The following SMCO4 variants were observed in gnomAD, a reference collection of about 807,000 sequenced individuals.
The protein encoded by SMCO4 is single-pass membrane and coiled-coil domain-containing protein 4.
SMCO4 carries 4 observed loss-of-function variants against 3.6 expected under a neutral mutation model. The observed-to-expected ratio is 1.11, with a 90% confidence interval of 0.54 to 2.53. The LOEUF is 2.53. SMCO4 is among the 30% of genes most tolerant of loss of function. The pLI is 0.02. For synonymous variants in SMCO4, 36 were observed against 35.3 expected (o/e 1.02, Z -0.07); for missense variants, 70 against 80.8 (o/e 0.87, Z 0.51).
chr11:93,514,591 GATTT>G (rs1948992779), intron 1 of SMCO4, among the ~76,000 whole-genome samples: 2 of 151,470 alleles, frequency 1.3e-5, no homozygotes, highest in South Asian at 2.1e-4. Context: ...ATACGTACAT[GATTT>G]ATTTCCCTAA....
At chr11:93,537,908 C>A (rs1949241356) in intron 1 of SMCO4, 1 of 152,332 alleles carries the variant, frequency 6.6e-6, no homozygotes, top group Non-Finnish European at 1.5e-5. Context: ...GGTAACCTGG[C>A]TTCCTCCTCG....
intron 2 of SMCO4, among the ~76,000 whole-genome samples, chr11:93,493,640 T>A (rs901685379): frequency 2.6e-5 from 4 of 152,222 alleles, no homozygotes; most frequent in Admixed American, 6.5e-5. Context: ...CTAACTAGAA[T>A]GTGTTCATGT....
intron 1 of SMCO4, among the ~76,000 whole-genome samples, chr11:93,505,260 C>T (rs1476565686): frequency 6.6e-6 from 1 of 152,206 alleles, no homozygotes; most frequent in East Asian, 1.9e-4. Context: ...GCACTGTCTA[C>T]TTTCCTACAC....
upstream of SMCO4, among the ~76,000 whole-genome samples, chr11:93,547,969 A>C (rs1356280054): frequency 6.6e-6 from 1 of 152,216 alleles, no homozygotes; most frequent in Admixed American, 6.5e-5. Flanking sequence ...GAGGCCTAGA[A>C]TGGTGGTCTG....
intron 1 of SMCO4, among the ~76,000 whole-genome samples, chr11:93,533,615 T>C (rs181801271): frequency 4.6e-5 from 7 of 152,054 alleles, no homozygotes; most frequent in African/African-American, 1.7e-4. Flanking sequence ...CCTCAGTCTA[T>C]CTAAAAAAAG....
At chr11:93,495,142 A>G (rs1202318760) in intron 2 of SMCO4, among the ~76,000 whole-genome samples, 1 of 152,014 alleles carries the variant, frequency 6.6e-6, no homozygotes. Flanking sequence ...ATCTCTTTCA[A>G]GACCCATCTC....
chr11:93,494,106 T>C (rs984668058), intron 2 of SMCO4, among the ~76,000 whole-genome samples: 4 of 152,292 alleles, frequency 2.6e-5, no homozygotes, highest in African/African-American at 9.6e-5. Context: ...TCGAAACCAC[T>C]GTCCATGGAG....
intron 1 of SMCO4, among the ~76,000 whole-genome samples, chr11:93,507,377 G>C (rs572626971): frequency 2.0e-5 from 3 of 152,080 alleles, no homozygotes; most frequent in Non-Finnish European, 4.4e-5. Context: ...TTCAGCCTGG[G>C]GGATAGAGAC....
intron 1 of SMCO4, among the ~76,000 whole-genome samples, chr11:93,523,006 C>A (rs7933953): frequency 0.14 from 20,726 of 152,112 alleles, 1,559 homozygotes; most frequent in Non-Finnish European, 0.17. Flanking sequence ...TTGGAAACCC[C>A]AAAGATCAAA....
the SMCO4 span, among the ~76,000 whole-genome samples, chr11:93,552,851 T>C: frequency 6.6e-6 from 1 of 152,138 alleles, no homozygotes; most frequent in African/African-American, 2.4e-5. Context: ...TTTTTTGTAA[T>C]AGTGCCTCAA....
chr11:93,484,758 G>A (rs1043716495), intron 2 of SMCO4, among the ~76,000 whole-genome samples: 2 of 151,632 alleles, frequency 1.3e-5, no homozygotes, highest in African/African-American at 4.9e-5. Flanking sequence ...TTTCCCTGAG[G>A]TACCAATTAG....
intron 2 of SMCO4, among the ~76,000 whole-genome samples, chr11:93,487,927 C>T (rs1370672045): frequency 6.6e-6 from 1 of 152,182 alleles, no homozygotes; most frequent in African/African-American, 2.4e-5. Flanking sequence ...TTTAAGCATA[C>T]CCTGTATGTC....
At chr11:93,527,662 T>C (rs1175330180) in intron 1 of SMCO4, among the ~76,000 whole-genome samples, 1 of 152,100 alleles carries the variant, frequency 6.6e-6, no homozygotes, top group Non-Finnish European at 1.5e-5. Flanking sequence ...GGTCTCACTA[T>C]ATTGTCCAGG....
At chr11:93,483,964 C>T (rs1238318637) in intron 2 of SMCO4, among the ~76,000 whole-genome samples, 1 of 152,232 alleles carries the variant, frequency 6.6e-6, no homozygotes, top group Non-Finnish European at 1.5e-5. Flanking sequence ...CTGGCTTCTG[C>T]CCAGCAAGCA....
intron 1 of SMCO4, among the ~76,000 whole-genome samples, chr11:93,502,956 A>G (rs1948857697): frequency 6.6e-6 from 1 of 152,212 alleles, no homozygotes; most frequent in Non-Finnish European, 1.5e-5. Context: ...TGTAATTTGT[A>G]TACCAACTCA....
Position 93,507,979 on chromosome 11 carries a change from T to A in SMCO4, c.-153-8631A>T, listed in dbSNP as rs576880525. Among the ~76,000 whole-genome samples, 5 of 152,362 alleles carry A rather than the reference T, an allele frequency of 3.3e-5. No homozygotes were observed. In the East Asian group the frequency reaches 9.6e-4, roughly 29 times the overall value. ...TTTGTGCTTTGGAAATATTTACTTTTCATTAAAAATGCTACTTTATATTAT... is the reference window on the plus strand; with the variant it reads ...TTTGTGCTTTGGAAATATTTACTTTACATTAAAAATGCTACTTTATATTAT... On this transcript the variant is annotated intron_variant, in intron 1 of 2. Transcript: ENST00000298966.
the SMCO4 span, among the ~76,000 whole-genome samples, chr11:93,549,280 G>A: frequency 1.3e-5 from 2 of 152,204 alleles, no homozygotes; most frequent in African/African-American, 2.4e-5. Flanking sequence ...GACTTAGAAC[G>A]TTTAAGCAAT....
intron 2 of SMCO4, among the ~76,000 whole-genome samples, chr11:93,483,210 G>A (rs1051940664): frequency 1.3e-5 from 2 of 152,188 alleles, no homozygotes; most frequent in African/African-American, 4.8e-5. Flanking sequence ...GGCAGACTCA[G>A]GGAAAGAGAA....
intron 1 of SMCO4, among the ~76,000 whole-genome samples, chr11:93,524,753 G>A (rs1949089770): frequency 6.6e-6 from 1 of 152,204 alleles, no homozygotes; most frequent in African/African-American, 2.4e-5. Context: ...TCAACAGCCA[G>A]TGCACACAGA....
Sources: allele counts gnomAD v4.1 joint callset (sites outside exome capture counted in the v4.1 genomes callset), GRCh38; gene constraint gnomAD v4.1.1; transcripts MANE v1.5; gene names NCBI Gene and HGNC (gene_info 2026-07-23, HGNC 2026-07-21).